Variants in PRIM2 observed in about 807,000 individuals in gnomAD.
The protein encoded by PRIM2 is DNA primase large subunit.
PRIM2 carries 39 observed loss-of-function variants against 67.3 expected under a neutral mutation model. The ratio of observed to expected loss-of-function variants is 0.58; its 90% CI spans 0.45 to 0.76. The LOEUF is 0.76. Ranked by LOEUF, PRIM2 falls within the 30% of genes least tolerant of loss-of-function variation. The pLI is 0.00. For synonymous variants in PRIM2, 143 were observed against 198.7 expected (o/e 0.72, Z 2.36); for missense variants, 398 against 598.7 (o/e 0.66, Z 3.50).
intron 10 of PRIM2, among the ~76,000 whole-genome samples, chr6:57,541,011 A>G (rs1320560328): frequency 2.6e-5 from 4 of 152,242 alleles, no homozygotes; most frequent in Non-Finnish European, 5.9e-5. Context: ...AACCTTGAAT[A>G]ACACCATTGG....
Position 57,449,147 on chromosome 6 carries a change from G to T in PRIM2, c.694-58240G>T, listed in dbSNP as rs1312663395. Among the ~76,000 whole-genome samples, 4 of 152,210 alleles carry T rather than the reference G, an allele frequency of 2.6e-5. No individual in the cohort carries two copies. The East Asian group carries it at 7.7e-4, about 29-fold the overall frequency. The stretch of plus-strand genomic sequence containing the variant: ...AAAACAATCTTTAAATCAAATTGAG[G>T]TTTATGTTTCATTTTGATCAGGGAT... On this transcript the variant is annotated intron_variant, in intron 7 of 13. Transcript: ENST00000615550.
intron 10 of PRIM2, among the ~76,000 whole-genome samples, chr6:57,580,396 A>G (rs1250619731): frequency 2.0e-5 from 3 of 152,210 alleles, no homozygotes; most frequent in Admixed American, 2.0e-4. Flanking sequence ...CAAAAGACAG[A>G]TTAATAAGAG....
intron 10 of PRIM2, among the ~76,000 whole-genome samples, chr6:57,557,834 T>TATAACTTGTATTTTAATATAACTATTGA (rs1775547316): frequency 6.6e-6 from 1 of 152,056 alleles, no homozygotes; most frequent in African/African-American, 2.4e-5. Flanking sequence ...ACTAGACTGT[T>TATAACTTGTATTTTAATATAACTATTGA]ATAACTTGTA....
At chr6:57,479,772 G>A (rs1773570403) in intron 7 of PRIM2, among the ~76,000 whole-genome samples, 1 of 152,154 alleles carries the variant, frequency 6.6e-6, no homozygotes, top group Admixed American at 6.6e-5. Context: ...TTTTTTGGTT[G>A]TTGTTGTTTG....
intron 12 of PRIM2, among the ~76,000 whole-genome samples, chr6:57,610,464 T>TA (rs1776647926): frequency 6.6e-6 from 1 of 152,164 alleles, no homozygotes; most frequent in Admixed American, 6.5e-5. Context: ...AAAGCATACT[T>TA]ACAGGATCAC....
intron 12 of PRIM2, among the ~76,000 whole-genome samples, chr6:57,624,841 CTTTA>C (rs1487326126): frequency 7.2e-5 from 11 of 152,110 alleles, no homozygotes; most frequent in Non-Finnish European, 1.5e-4. Context: ...AGACTTGGCA[CTTTA>C]TAAAGAAAAA....
chr6:57,422,634 A>G (rs1322999871), intron 7 of PRIM2, among the ~76,000 whole-genome samples: 1 of 152,196 alleles, frequency 6.6e-6, no homozygotes, highest in African/African-American at 2.4e-5. Context: ...ATCCATTTAG[A>G]CTAATTTTAT....
chr6:57,270,504 T>C, the PRIM2 span, among the ~76,000 whole-genome samples: 1 of 152,200 alleles, frequency 6.6e-6, no homozygotes, highest in African/African-American at 2.4e-5. Context: ...CTGAAGTTGC[T>C]TATCAGCTTA....
chr6:57,377,512 G>C (rs1769809799), intron 5 of PRIM2, among the ~76,000 whole-genome samples: 1 of 151,268 alleles, frequency 6.6e-6, no homozygotes, highest in Non-Finnish European at 1.5e-5. Context: ...TTGGCCTGGG[G>C]TCATTGCTGG....
chr6:57,327,963 G>C (rs62418085), intron 5 of PRIM2, among the ~76,000 whole-genome samples: 1,789 of 152,212 alleles, frequency 0.012, 17 homozygotes, highest in Middle Eastern at 0.065. Flanking sequence ...GCACATCTTA[G>C]ATCTCTCACA....
intron 7 of PRIM2, among the ~76,000 whole-genome samples, chr6:57,425,492 G>A (rs1210619449): frequency 6.6e-6 from 1 of 152,122 alleles, no homozygotes; most frequent in Non-Finnish European, 1.5e-5. Context: ...TGGGATTACA[G>A]GCGTGAGCCA....
chr6:57,645,376 T>C (rs1441305795), intron 13 of PRIM2, among the ~76,000 whole-genome samples: 2 of 148,800 alleles, frequency 1.3e-5, no homozygotes, highest in East Asian at 2.0e-4. Flanking sequence ...CACACATTTG[T>C]ATTCCAAACA....
the PRIM2 span, among the ~76,000 whole-genome samples, chr6:57,267,456 G>A: frequency 6.6e-6 from 1 of 152,042 alleles, no homozygotes; most frequent in Non-Finnish European, 1.5e-5. Flanking sequence ...TCTTTGAGAG[G>A]CTGCATAAAA....
At chr6:57,254,465 C>T in the PRIM2 span, among the ~76,000 whole-genome samples, 1 of 152,172 alleles carries the variant, frequency 6.6e-6, no homozygotes, top group African/African-American at 2.4e-5. Context: ...CCGGGTCTCA[C>T]TAACACAGGC....
intron 12 of PRIM2, among the ~76,000 whole-genome samples, chr6:57,614,603 C>T (rs1776721305): frequency 6.6e-6 from 1 of 152,090 alleles, no homozygotes; most frequent in Admixed American, 6.6e-5. Context: ...ATAATCCCAG[C>T]ACTTTGGGAG....
intron 13 of PRIM2, among the ~76,000 whole-genome samples, chr6:57,637,600 A>C (rs1777143993): frequency 1.3e-5 from 2 of 152,244 alleles, no homozygotes; most frequent in African/African-American, 4.8e-5. Context: ...AGAGAACTTC[A>C]TGAAGCATAC....
chr6:57,636,385 T>C (rs1277197841), intron 13 of PRIM2, among the ~76,000 whole-genome samples: 1 of 152,144 alleles, frequency 6.6e-6, no homozygotes, highest in Non-Finnish European at 1.5e-5. Context: ...TTCCATTCTG[T>C]TTAGTTTATG....
At chr6:57,614,517 T>C (rs1231290865) in intron 12 of PRIM2, among the ~76,000 whole-genome samples, 53,123 of 147,812 alleles carry the variant, frequency 0.36, 7,924 homozygotes, top group East Asian at 0.59. Flanking sequence ...TCTATATTGG[T>C]CATTTCTTAT....
chr6:57,539,656 G>GTGTA (rs1417588686), intron 10 of PRIM2, among the ~76,000 whole-genome samples: 8 of 71,164 alleles, frequency 1.1e-4, no homozygotes, highest in South Asian at 9.3e-4. Context: ...GTGTGTGTGT[G>GTGTA]TATATATATA....
Sources: gnomAD v4.1 joint callset for allele counts (sites outside exome capture counted in the v4.1 genomes callset) on GRCh38, gnomAD v4.1.1 for gene constraint, MANE v1.5 for transcripts, NCBI Gene and HGNC (gene_info 2026-07-23, HGNC 2026-07-21) for gene names.